The following RPL21 variants were observed in gnomAD, a reference collection of about 807,000 sequenced individuals.
RPL21 encodes ribosomal protein L21, also known as large ribosomal subunit protein eL21.
A neutral mutation model predicts 21.2 loss-of-function variants in RPL21; 1 was observed. The observed-to-expected ratio is 0.05, with a 90% confidence interval of 0.02 to 0.22. The LOEUF is 0.22. Ranked by LOEUF, RPL21 falls within the 10% of genes least tolerant of loss-of-function variation. RPL21 has a pLI of 1.00. For synonymous variants in RPL21, 52 were observed against 62.9 expected (o/e 0.83, Z 0.82); for missense variants, 113 against 199.4 (o/e 0.57, Z 2.61).
intron 3 of RPL21, chr13:27,254,550 A>T: frequency 2.3e-6 from 1 of 435,438 alleles, no homozygotes; most frequent in Non-Finnish European, 4.2e-6. Context: ...GTGCACCATG[A>T]TACCTGGCTA....
chr13:27,253,295 A>G (rs1881734948), intron 1 of RPL21, among the ~76,000 whole-genome samples: 1 of 152,226 alleles, frequency 6.6e-6, no homozygotes, highest in South Asian at 2.1e-4. Context: ...GAGATTTCTG[A>G]TAGTTAAATA....
rs764515986 is a variant in RPL21 at position 27,256,240 on chromosome 13, A to G, written c.299A>G (p.Lys100Arg). The change falls in exon 5 of 6, where the codon AAG becomes AGG. Residue 100 changes from lysine to arginine, a missense_variant. Physicochemically the swap from Lys to Arg is conservative, Grantham distance 26. Transcript: ENST00000311549. ...NVRIEHIKHS[K>R]SRDSFLKRVK... The stretch of plus-strand genomic sequence containing the variant: ...CGTATTGAGCACATTAAGCACTCTA[A>G]GAGCCGAGATAGCTTCCTGAAACGT... The G allele has an allele frequency of 6.3e-7, 1 of 1,589,274 alleles. No individual in the cohort carries two copies. The highest frequency in any genetic ancestry group is 8.6e-7 in the Non-Finnish European group (1 of 1,162,678).
intron 1 of RPL21, among the ~76,000 whole-genome samples, chr13:27,252,725 G>A (rs1023991027): frequency 3.3e-5 from 5 of 152,210 alleles, no homozygotes; most frequent in African/African-American, 2.4e-5. Context: ...TTCATCCATT[G>A]TAACAATGGT....
intron 3 of RPL21, chr13:27,255,010 C>G: frequency 1.4e-6 from 1 of 705,052 alleles, no homozygotes; most frequent in African/African-American, 1.8e-5. Context: ...AAAAACCCTC[C>G]TAGTGAAAGC....
chr13:27,254,133 TA>T, intron 2 of RPL21, 86 bp from the exon 3 acceptor site: 1 of 849,804 alleles, frequency 1.2e-6, no homozygotes, highest in Non-Finnish European at 2.1e-6. Context: ...TCAAAAATGA[TA>T]TATGTGTTAA....
At chr13:27,254,308 C>A in intron 3 of RPL21, 27 bp downstream of exon 3, 1 of 1,348,200 alleles carries the variant, frequency 7.4e-7, no homozygotes, top group Non-Finnish European at 1.1e-6. Flanking sequence ...GAAAATAACA[C>A]TACAGAAGAT....
chr13:27,255,062 C>G (rs553802640), intron 3 of RPL21, 180 bp from the exon 4 acceptor site: 3 of 759,630 alleles, frequency 3.9e-6, no homozygotes, highest in East Asian at 2.5e-5. Context: ...TCTTGGCACT[C>G]GAGCTTAATG....
chr13:27,252,261 A>G (rs183008722), intron 1 of RPL21, among the ~76,000 whole-genome samples: 10 of 152,316 alleles, frequency 6.6e-5, no homozygotes, highest in Admixed American at 1.3e-4. Context: ...TGCAACACCA[A>G]TATTTGCACC....
intron 4 of RPL21, chr13:27,255,798 T>C (rs942814320): frequency 6.0e-6 from 2 of 333,410 alleles, no homozygotes; most frequent in Non-Finnish European, 1.2e-5. Flanking sequence ...GGTCTCAATC[T>C]CCTGACCTCG....
At chr13:27,252,410 C>A in intron 1 of RPL21, among the ~76,000 whole-genome samples, 1 of 152,116 alleles carries the variant, frequency 6.6e-6, no homozygotes. Flanking sequence ...TATGGTGGAT[C>A]CTAGTTGCCA....
intron 4 of RPL21, 193 bp downstream of exon 4, chr13:27,255,547 G>A: frequency 1.3e-6 from 1 of 747,018 alleles, no homozygotes; most frequent in Admixed American, 1.7e-5. Context: ...TTACTGGAAA[G>A]TCTTACACAG....
At chr13:27,253,068 C>G (rs1299784751) in intron 1 of RPL21, among the ~76,000 whole-genome samples, 1 of 152,200 alleles carries the variant, frequency 6.6e-6, no homozygotes, top group African/African-American at 2.4e-5. Context: ...GCACTTTACA[C>G]GGGCCAAGCA....
chr13:27,256,445 C>T lies in RPL21; in HGVS notation c.403C>T (p.Pro135Ser). Reference sequence around the variant, plus strand: ...TTTTTTCCTTTAATAGCCTGCTCCACCCAGAGAAGCACACTTTGTGAGAAC... The same window carrying T: ...TTTTTTCCTTTAATAGCCTGCTCCATCCAGAGAAGCACACTTTGTGAGAAC... Reference protein sequence around the residue: ...WVQLKRQPAPPREAHFVRTNG... With the variant: ...WVQLKRQPAPSREAHFVRTNG... Residue 135 changes from proline (P) to serine (S), a missense_variant, in exon 6 of 6, where the codon CCC becomes TCC. Pro to Ser is a moderately conservative substitution (Grantham distance 74). Transcript: ENST00000311549. The T allele has an allele frequency of 1.9e-6, 3 of 1,581,168 alleles. No homozygotes were observed. The highest frequency in any genetic ancestry group is 2.6e-6 in the Non-Finnish European group (3 of 1,150,492).
At chr13:27,254,842 C>T in intron 3 of RPL21, 1 of 363,996 alleles carries the variant, frequency 2.7e-6, no homozygotes, top group Non-Finnish European at 5.3e-6. Context: ...TTTTAAAGTG[C>T]TATTCTTAGC....
chr13:27,253,244 ATATACGTTCG>A (rs1248415553), intron 1 of RPL21, among the ~76,000 whole-genome samples: 3 of 152,228 alleles, frequency 2.0e-5, no homozygotes, highest in Non-Finnish European at 4.4e-5. Context: ...CTTCTACCCT[ATATACGTTCG>A]TAGTAAATAA....
intron 1 of RPL21, among the ~76,000 whole-genome samples, chr13:27,252,411 C>G (rs1382900694): frequency 6.6e-6 from 1 of 152,250 alleles, no homozygotes; most frequent in Non-Finnish European, 1.5e-5. Context: ...ATGGTGGATC[C>G]TAGTTGCCAT....
In RPL21 at chr13:27,256,423, T is replaced by C; in HGVS notation, c.394-13T>C. On this transcript the variant is annotated splice_polypyrimidine_tract_variant and intron_variant, in intron 5 of 5. Transcript: ENST00000311549. ...ACATAATTATTTTATTCCCTTTTTT[T>C]TTCCTTTAATAGCCTGCTCCACCCA... 2.5e-6 allele frequency: 4 copies of C among 1,587,244 alleles called. No individual in the cohort carries two copies. The highest frequency in any genetic ancestry group is 3.5e-6 in the Non-Finnish European group (4 of 1,155,724).
rs747490658 is a variant in RPL21 at position 27,255,017 on chromosome 13, A to AAG, written c.130-224_130-223dup. 5 of 719,874 alleles carry AAG rather than the reference A, an allele frequency of 6.9e-6. No individual in the cohort carries two copies. The Admixed American group carries it at 9.0e-5, about 13-fold the overall frequency. 44.6% of individuals were successfully genotyped at this position (719,874 alleles called of 1,614,324 possible). On this transcript the variant is annotated intron_variant, in intron 3 of 5. Transcript: ENST00000311549. ...CTATGATTAAAAACCCTCCTAGTGA[A>AAG]AGCTGTGTTCTTCTGTGACCTGGAT...
chr13:27,256,364 C>T, intron 5 of RPL21, 30 bp downstream of exon 5: 2 of 1,602,000 alleles, frequency 1.2e-6, no homozygotes, highest in South Asian at 2.2e-5. Flanking sequence ...TTCATTGGTT[C>T]TGAGAGCACT....
Sources: gnomAD v4.1 joint callset for allele counts (sites outside exome capture counted in the v4.1 genomes callset) on GRCh38, gnomAD v4.1.1 for gene constraint, MANE v1.5 for transcripts, NCBI Gene and HGNC (gene_info 2026-07-23, HGNC 2026-07-21) for gene names.